DOCK2: variants seen among roughly 807,000 people sequenced by gnomAD.
DOCK2 encodes the protein dedicator of cytokinesis 2.
Under a neutral mutation model 248.9 loss-of-function variants are expected in DOCK2, and 87 were observed. The observed-to-expected ratio is 0.35, with a 90% CI of 0.29 to 0.42. DOCK2 has a LOEUF of 0.42. Ranked by LOEUF, DOCK2 falls within the 10% of genes least tolerant of loss-of-function variation. DOCK2 has a pLI of 1.00. For synonymous variants in DOCK2, 805 were observed against 821.6 expected (o/e 0.98, Z 0.35); for missense variants, 1,747 against 2,300.2 (o/e 0.76, Z 4.92).
At chr5:170,038,279 C>T (rs1581546863) in intron 36 of DOCK2, among the ~76,000 whole-genome samples, 1 of 152,228 alleles carries the variant, frequency 6.6e-6, no homozygotes, top group East Asian at 1.9e-4. Flanking sequence ...CTTGTTTCTC[C>T]CCTTCTCATT....
intron 44 of DOCK2, among the ~76,000 whole-genome samples, chr5:170,067,112 C>T (rs767832299): frequency 6.6e-6 from 1 of 152,178 alleles, no homozygotes; most frequent in Non-Finnish European, 1.5e-5. Flanking sequence ...TACTATGTGC[C>T]AGGCTGGGTG....
intron 22 of DOCK2, among the ~76,000 whole-genome samples, chr5:169,725,002 G>A (rs923972287): frequency 6.6e-6 from 1 of 152,110 alleles, no homozygotes; most frequent in Non-Finnish European, 1.5e-5. Flanking sequence ...TAACTCAGAG[G>A]TGCTTGCCAG....
intron 22 of DOCK2, among the ~76,000 whole-genome samples, chr5:169,720,925 T>C (rs1762164524): frequency 6.6e-6 from 1 of 152,188 alleles, no homozygotes; most frequent in Non-Finnish European, 1.5e-5. Context: ...GGTTTCACCA[T>C]GTTGGCCAGG....
intron 26 of DOCK2, among the ~76,000 whole-genome samples, chr5:169,820,869 G>GA (rs1330618401): frequency 3.3e-5 from 5 of 152,154 alleles, no homozygotes; most frequent in African/African-American, 1.2e-4. Context: ...TAAAAACCTT[G>GA]AAAAAAGATT....
At chr5:169,962,955 G>A (rs1210498781) in intron 27 of DOCK2, among the ~76,000 whole-genome samples, 2 of 152,154 alleles carry the variant, frequency 1.3e-5, no homozygotes, top group Non-Finnish European at 2.9e-5. Context: ...GATGGGAAGT[G>A]GAAGGGTAAG....
chr5:169,684,443 C>T (rs1759840714), intron 8 of DOCK2, 93 bp downstream of exon 8: 1 of 1,482,868 alleles, frequency 6.7e-7, no homozygotes. Flanking sequence ...GAGCAATCTC[C>T]ACCTGGAAAA....
chr5:170,041,007 T>A (rs1380989084), intron 36 of DOCK2, 48 bp from the exon 37 acceptor site: 1 of 1,545,650 alleles, frequency 6.5e-7, no homozygotes. Flanking sequence ...GCCAGGTGTC[T>A]CCTTTTCACT....
chr5:169,852,186 A>C (rs1264619551), intron 27 of DOCK2, among the ~76,000 whole-genome samples: 2 of 152,072 alleles, frequency 1.3e-5, no homozygotes, highest in African/African-American at 4.8e-5. Flanking sequence ...TAATGAAATT[A>C]CCTCCAAATA....
chr5:169,728,114 G>A (rs777823297), intron 22 of DOCK2, among the ~76,000 whole-genome samples: 1 of 152,170 alleles, frequency 6.6e-6, no homozygotes, highest in Non-Finnish European at 1.5e-5. Context: ...TCAAGGAGAG[G>A]GCCAAGCCAG....
At chr5:169,759,073 C>T (rs1764340428) in intron 23 of DOCK2, among the ~76,000 whole-genome samples, 1 of 152,156 alleles carries the variant, frequency 6.6e-6, no homozygotes, top group Admixed American at 6.5e-5. Flanking sequence ...GAGTGTGGCT[C>T]CTATCTCTGG....
intron 25 of DOCK2, among the ~76,000 whole-genome samples, chr5:169,800,944 C>CTT (rs60140740): frequency 0.019 from 1,015 of 53,074 alleles, 125 homozygotes; most frequent in East Asian, 0.084. Flanking sequence ...TTCTTTCTTT[C>CTT]TTTTTTTTTT....
At chr5:170,074,228 C>A (rs1389970935) in intron 46 of DOCK2, among the ~76,000 whole-genome samples, 1 of 152,064 alleles carries the variant, frequency 6.6e-6, no homozygotes, top group Non-Finnish European at 1.5e-5. Flanking sequence ...AACATGTTTT[C>A]TTAGGCTCTC....
intron 27 of DOCK2, among the ~76,000 whole-genome samples, chr5:169,867,031 C>A (rs552889812): frequency 7.2e-5 from 11 of 152,334 alleles, no homozygotes; most frequent in African/African-American, 2.2e-4. Flanking sequence ...AGTTGGGGTT[C>A]CCAAAACCCC....
At chr5:169,848,561 A>C (rs1770452816) in intron 27 of DOCK2, among the ~76,000 whole-genome samples, 2 of 152,256 alleles carry the variant, frequency 1.3e-5, no homozygotes, top group Admixed American at 6.5e-5. Flanking sequence ...ATGGGGATGA[A>C]CAATCCCATA....
chr5:169,841,050 A>T (rs1346740530), intron 27 of DOCK2, among the ~76,000 whole-genome samples, 198 bp downstream of exon 27: 1 of 152,132 alleles, frequency 6.6e-6, no homozygotes, highest in Non-Finnish European at 1.5e-5. Context: ...AGGGCTTAGG[A>T]CTTGTCTAGT....
At chr5:169,637,433 G>T (rs1253631940) in intron 1 of DOCK2, 64 bp downstream of exon 1, 10 of 1,296,284 alleles carry the variant, frequency 7.7e-6, no homozygotes, top group Non-Finnish European at 7.8e-6. Context: ...GCGAGCAGGA[G>T]GATGCTGCGG....
chr5:169,766,881 C>A (rs1764825989), intron 25 of DOCK2, among the ~76,000 whole-genome samples: 1 of 152,292 alleles, frequency 6.6e-6, no homozygotes, highest in South Asian at 2.1e-4. Flanking sequence ...GATTCTCCTG[C>A]CTCAGCCTCC....
chr5:169,874,891 AG>A (rs33963710), intron 27 of DOCK2, among the ~76,000 whole-genome samples: 28,771 of 152,036 alleles, frequency 0.19, 4,344 homozygotes, highest in African/African-American at 0.42. Flanking sequence ...CATTGGAAAC[AG>A]GAGGCATCAG....
At chr5:169,920,333 T>G (rs955458928) in intron 27 of DOCK2, among the ~76,000 whole-genome samples, 3 of 152,208 alleles carry the variant, frequency 2.0e-5, no homozygotes, top group African/African-American at 7.2e-5. Context: ...ATTAGAAGTG[T>G]GGATACTCAT....
Sources: gnomAD v4.1 joint callset for allele counts (sites outside exome capture counted in the v4.1 genomes callset) on GRCh38, gnomAD v4.1.1 for gene constraint, MANE v1.5 for transcripts, NCBI Gene and HGNC (gene_info 2026-07-23, HGNC 2026-07-21) for gene names.